CNIH4: variants seen among roughly 807,000 people sequenced by gnomAD.
The protein encoded by CNIH4 is protein cornichon homolog 4.
Under a neutral mutation model 21.5 loss-of-function variants are expected in CNIH4, and 9 were observed. The ratio of observed to expected loss-of-function variants is 0.42; its 90% CI spans 0.25 to 0.73. The LOEUF (loss-of-function observed/expected upper bound fraction) is 0.73. Ranked by LOEUF, CNIH4 falls within the 30% of genes least tolerant of loss-of-function variation. The pLI is 0.27. For missense variants in CNIH4, 159 were observed against 170.0 expected, an observed-to-expected ratio of 0.94 and a Z score of 0.36; for synonymous variants, 67 against 59.1, an observed-to-expected ratio of 1.13 and a Z score of -0.61.
intron 2 of CNIH4, among the ~76,000 whole-genome samples, chr1:224,360,794 G>A (rs1000735489): frequency 2.6e-5 from 4 of 152,026 alleles, no homozygotes; most frequent in African/African-American, 7.3e-5. Flanking sequence ...TGTTTACAGC[G>A]GATAGCATCT....
At chr1:224,364,141 A>G (rs1258198496) in intron 2 of CNIH4, 6 of 982,862 alleles carry the variant, frequency 6.1e-6, no homozygotes, top group Non-Finnish European at 7.2e-6. Flanking sequence ...TGTCCCCAGT[A>G]CTTTGGGAGG....
rs372410465 is a variant in CNIH4 at position 224,379,343 on chromosome 1, T to C, written c.*3521T>C. On this transcript the variant is annotated 3_prime_UTR_variant, in exon 5 of 5. Transcript: ENST00000465271. ...TAATCACTCTTAGATTGTATGTTCC[T>C]GGAGGGCAGAATATGCCCATTCATA... The C allele has an allele frequency of 3.4e-5, 18 of 523,074 alleles. No individual in the cohort carries two copies. In the East Asian group the frequency reaches 3.6e-4, roughly 10 times the overall value. 32.4% of individuals were successfully genotyped at this position (523,074 alleles called of 1,614,324 possible).
chr1:224,367,799 C>T (rs928581128), intron 3 of CNIH4, among the ~76,000 whole-genome samples: 4 of 152,294 alleles, frequency 2.6e-5, no homozygotes, highest in African/African-American at 4.8e-5. Context: ...ACTTCTGCTG[C>T]GGGCTAGTCC....
At chr1:224,375,319 G>C (rs1489092728) in intron 4 of CNIH4, among the ~76,000 whole-genome samples, 1 of 152,194 alleles carries the variant, frequency 6.6e-6, no homozygotes, top group Non-Finnish European at 1.5e-5. Context: ...CCTGGGCTGA[G>C]AGGCCAGCTT....
chr1:224,371,491 C>G, intron 4 of CNIH4, 68 bp downstream of exon 4: 1 of 1,468,254 alleles, frequency 6.8e-7, no homozygotes, highest in African/African-American at 1.4e-5. Flanking sequence ...TATTACTATA[C>G]TATAGGATTT....
At chr1:224,357,988 T>G (rs1466367472) in intron 1 of CNIH4, among the ~76,000 whole-genome samples, 1 of 152,222 alleles carries the variant, frequency 6.6e-6, no homozygotes, top group Non-Finnish European at 1.5e-5. Context: ...GGAAATCACA[T>G]GTACCTGTTT....
chr1:224,359,237 T>C (rs766531486), intron 1 of CNIH4, among the ~76,000 whole-genome samples: 1 of 152,204 alleles, frequency 6.6e-6, no homozygotes, highest in Non-Finnish European at 1.5e-5. Flanking sequence ...TAGAGAGCCA[T>C]TGAAAATTTT....
At chr1:224,367,584 G>T (rs768191940) in intron 3 of CNIH4, among the ~76,000 whole-genome samples, 24 of 151,376 alleles carry the variant, frequency 1.6e-4, no homozygotes, top group Non-Finnish European at 3.1e-4. Flanking sequence ...GAATGCAATG[G>T]CTATTCACAG....
At position 224,377,699 on chromosome 1, in the gene CNIH4, C is replaced by T. The variant is rs754136227; in HGVS notation, c.*1877C>T. 1.3e-5 allele frequency: 2 copies of T among 152,216 alleles called. No homozygotes were observed. The highest frequency in any genetic ancestry group is 2.9e-5 in the Non-Finnish European group (2 of 68,146). The allele number at this position is 152,216 out of a possible 1,614,324, so 9.4% of individuals were successfully genotyped here. A position where few individuals can be genotyped will look rare whatever the true frequency, so the allele number is the denominator to read the frequency against. On this transcript the variant is annotated 3_prime_UTR_variant, in exon 5 of 5. Transcript: ENST00000465271. ...TTCACCATGTTGGCCAGGCTGGTCT[C>T]AAACTCCTGACCTCAAACGATCTGC...
At chr1:224,370,144 G>GTTTGATGGACAAGGT (rs1672582459) in intron 3 of CNIH4, among the ~76,000 whole-genome samples, 11 of 152,052 alleles carry the variant, frequency 7.2e-5, no homozygotes, top group Admixed American at 7.2e-4. Flanking sequence ...CTGGACAAGG[G>GTTTGATGGACAAGGT]TTTGATGGAC....
chr1:224,366,517 A>G (rs968737985), intron 3 of CNIH4, among the ~76,000 whole-genome samples: 1 of 149,874 alleles, frequency 6.7e-6, no homozygotes, highest in Non-Finnish European at 1.5e-5. Flanking sequence ...TGCCTGGCTA[A>G]TTTTTGTATT....
At chr1:224,367,064 G>A (rs935887354) in intron 3 of CNIH4, among the ~76,000 whole-genome samples, 1 of 152,086 alleles carries the variant, frequency 6.6e-6, no homozygotes, top group African/African-American at 2.4e-5. Flanking sequence ...AAACCCTGAA[G>A]TATATAATTT....
At chr1:224,362,857 G>T (rs1672338931) in intron 2 of CNIH4, among the ~76,000 whole-genome samples, 1 of 151,856 alleles carries the variant, frequency 6.6e-6, no homozygotes, top group South Asian at 2.1e-4. Flanking sequence ...AAATTTTCTT[G>T]TATTCTTTCT....
intron 2 of CNIH4, chr1:224,364,430 CT>C (rs1283138090): frequency 8.4e-6 from 8 of 946,784 alleles, no homozygotes; most frequent in Middle Eastern, 5.4e-4. Flanking sequence ...GTTATTTCAT[CT>C]AATTCTCTAC....
At chr1:224,365,003 A>G (rs1672410132) in intron 2 of CNIH4, among the ~76,000 whole-genome samples, 1 of 152,150 alleles carries the variant, frequency 6.6e-6, no homozygotes, top group Non-Finnish European at 1.5e-5. Context: ...TTACCAAAAA[A>G]TTATCCAAAA....
intron 4 of CNIH4, among the ~76,000 whole-genome samples, chr1:224,374,450 T>C (rs1302552413): frequency 2.1e-5 from 3 of 144,448 alleles, no homozygotes; most frequent in African/African-American, 7.7e-5. Context: ...TCTCACACTC[T>C]GTCCCCCAGG....
chr1:224,368,123 G>A (rs1672519447), intron 3 of CNIH4, among the ~76,000 whole-genome samples: 1 of 152,232 alleles, frequency 6.6e-6, no homozygotes, highest in South Asian at 2.1e-4. Flanking sequence ...CTGAGGTCAG[G>A]AGTTCGAGAC....
chr1:224,357,736 C>G (rs1672159062), intron 1 of CNIH4: 1 of 152,178 alleles, frequency 6.6e-6, no homozygotes, highest in South Asian at 2.1e-4. Flanking sequence ...CGTTTCTCAG[C>G]TTTTAAATTT....
rs1364528987 is a variant in CNIH4, at chr1:224,365,942, T to A, written c.202T>A (p.Trp68Arg). ...VTVLLLMSLH[W>R]FIFLLNLPVA... ...TGTATTACTGCTCATGTCATTGCACTGGTTCATCTTCCTTCTCAACTTACC... is the reference window on the plus strand; with the variant it reads ...TGTATTACTGCTCATGTCATTGCACAGGTTCATCTTCCTTCTCAACTTACC... Residue 68 changes from tryptophan to arginine, a missense_variant, in exon 3 of 5, where the codon TGG (tryptophan) becomes AGG (arginine). Physicochemically the swap from Trp to Arg is moderately radical, Grantham distance 101 (BLOSUM62 -3). Coordinates refer to ENST00000465271, the MANE Select transcript of CNIH4 (RefSeq NM_014184.4). 6.2e-7 allele frequency: 1 copy of A among 1,613,218 alleles called. No individual in the cohort carries two copies. Among genetic ancestry groups the A allele is most frequent in the Non-Finnish European group, 8.5e-7 (1 of 1,179,100 alleles).
Sources: allele counts gnomAD v4.1 joint callset (sites outside exome capture counted in the v4.1 genomes callset), GRCh38; gene constraint gnomAD v4.1.1; transcripts MANE v1.5; gene names NCBI Gene and HGNC (gene_info 2026-07-23, HGNC 2026-07-21).